The following DAB1 variants were observed in gnomAD, a reference collection of about 807,000 sequenced individuals.
DAB1 encodes the protein DAB adaptor protein 1.
Under a neutral mutation model 64.6 loss-of-function variants are expected in DAB1, and 15 were observed. The observed-to-expected ratio is 0.23, with a 90% CI of 0.16 to 0.36. The LOEUF (loss-of-function observed/expected upper bound fraction) is 0.36, where lower values mean the gene tolerates loss of function less well. Among genes scored for constraint, DAB1 ranks in the 10% least tolerant of loss-of-function variants. DAB1 has a pLI of 1.00. For synonymous variants in DAB1, 235 were observed against 251.9 expected (o/e 0.93, Z 0.64); for missense variants, 596 against 706.7 (o/e 0.84, Z 1.78).
At chr1:57,854,748 C>G (rs1653679632) in intron 1 of DAB1, among the ~76,000 whole-genome samples, 1 of 152,064 alleles carries the variant, frequency 6.6e-6, no homozygotes, top group Non-Finnish European at 1.5e-5. Context: ...TGGGTGAGAG[C>G]AGATTTATGT....
At chr1:58,535,045 C>T (rs539310614) in intron 1 of DAB1, among the ~76,000 whole-genome samples, 2 of 152,038 alleles carry the variant, frequency 1.3e-5, no homozygotes, top group Admixed American at 6.6e-5. Flanking sequence ...ACACCCTATA[C>T]CTAATAAGAA....
At chr1:58,390,594 G>T (rs941211522) in intron 3 of DAB1, among the ~76,000 whole-genome samples, 1 of 152,144 alleles carries the variant, frequency 6.6e-6, no homozygotes. Context: ...TAACTTCACT[G>T]CTCCTTGGTG....
intron 5 of DAB1, among the ~76,000 whole-genome samples, chr1:58,034,176 T>C (rs1647010762): frequency 6.6e-6 from 1 of 152,222 alleles, no homozygotes; most frequent in South Asian, 2.1e-4. Context: ...TCTGGCTCTG[T>C]TGCTCGCTTG....
intron 5 of DAB1, among the ~76,000 whole-genome samples, chr1:58,122,092 A>T (rs1218924831): frequency 3.3e-5 from 5 of 152,178 alleles, no homozygotes; most frequent in Admixed American, 3.3e-4. Flanking sequence ...GAGGCCTGGG[A>T]TCCTTTCACT....
chr1:57,792,161 G>C (rs1569701128), intron 6 of DAB1, among the ~76,000 whole-genome samples: 1 of 152,116 alleles, frequency 6.6e-6, no homozygotes, highest in African/African-American at 2.4e-5. Flanking sequence ...TGTCTCCCTT[G>C]CTATTCTCAT....
chr1:58,456,317 T>C (rs972074681), intron 3 of DAB1, among the ~76,000 whole-genome samples: 1 of 152,232 alleles, frequency 6.6e-6, no homozygotes, highest in Middle Eastern at 3.2e-3. Flanking sequence ...ACCTGGATTG[T>C]CTGGCTACAG....
At chr1:57,172,529 T>C (rs1010314278) in intron 2 of DAB1, among the ~76,000 whole-genome samples, 3 of 152,200 alleles carry the variant, frequency 2.0e-5, no homozygotes, top group African/African-American at 7.2e-5. Context: ...TTTATTTGGC[T>C]CATGGTTCTG....
chr1:57,021,429 A>G (rs1646615815), intron 11 of DAB1, among the ~76,000 whole-genome samples: 1 of 152,162 alleles, frequency 6.6e-6, no homozygotes, highest in Non-Finnish European at 1.5e-5. Flanking sequence ...TGTGGAGATA[A>G]ATGAATCATG....
At chr1:57,430,590 G>A (rs915041961) in intron 7 of DAB1, among the ~76,000 whole-genome samples, 5 of 152,146 alleles carry the variant, frequency 3.3e-5, no homozygotes, top group Admixed American at 1.3e-4. Flanking sequence ...TGTTAGCCAG[G>A]ATGGTCTCGA....
chr1:57,258,780 A>G (rs544693026), intron 2 of DAB1, among the ~76,000 whole-genome samples: 1 of 152,176 alleles, frequency 6.6e-6, no homozygotes, highest in East Asian at 1.9e-4. Context: ...CGAGTCTTAA[A>G]TAGATGGGAG....
chr1:57,865,577 A>C (rs1307287418), intron 1 of DAB1, among the ~76,000 whole-genome samples: 1 of 151,302 alleles, frequency 6.6e-6, no homozygotes, highest in Non-Finnish European at 1.5e-5. Context: ...AAACTCTCCC[A>C]CCTCTTCATT....
In DAB1 at chr1:58,533,439, A is replaced by G. The variant is rs1203334468; in HGVS notation, n.33-6104T>C. 2.0e-5 allele frequency among the ~76,000 whole-genome samples: 3 copies of G among 151,474 alleles called. No individual in the cohort carries two copies. In the East Asian group the frequency reaches 5.8e-4, roughly 30 times the overall value. On this transcript the variant is annotated intron_variant and non_coding_transcript_variant, in intron 1 of 20. Transcript: ENST00000485760. ...ATTAAAATTATGAATGGGAAGCCACATATACTAAAAAGCTCAGTAAACTGT... is the reference window on the plus strand; with the variant it reads ...ATTAAAATTATGAATGGGAAGCCACGTATACTAAAAAGCTCAGTAAACTGT...
At chr1:57,382,291 C>T (rs1338628957) in intron 1 of DAB1, among the ~76,000 whole-genome samples, 1 of 152,120 alleles carries the variant, frequency 6.6e-6, no homozygotes, top group African/African-American at 2.4e-5. Flanking sequence ...AGCCCCTGAC[C>T]AAGATACTTC....
intron 5 of DAB1, among the ~76,000 whole-genome samples, chr1:58,140,330 C>T (rs555460351): frequency 2.0e-4 from 30 of 152,298 alleles, no homozygotes; most frequent in African/African-American, 5.5e-4. Flanking sequence ...GCAGAACTTG[C>T]AAGAGGCAGT....
chr1:58,279,192 C>T (rs1661502834), intron 4 of DAB1, among the ~76,000 whole-genome samples: 1 of 152,204 alleles, frequency 6.6e-6, no homozygotes, highest in African/African-American at 2.4e-5. Flanking sequence ...TCTCAGATTC[C>T]TGAAAGGCAC....
chr1:57,834,119 T>C (rs1373060574), intron 1 of DAB1, among the ~76,000 whole-genome samples: 2 of 152,180 alleles, frequency 1.3e-5, no homozygotes, highest in African/African-American at 4.8e-5. Context: ...TAAAGTAGCA[T>C]TAAACAACTG....
intron 7 of DAB1, among the ~76,000 whole-genome samples, chr1:57,611,712 C>G (rs1412905936): frequency 6.6e-6 from 1 of 152,184 alleles, no homozygotes; most frequent in East Asian, 1.9e-4. Context: ...CAAACTCAAG[C>G]CTGCATCATG....
At chr1:57,617,311 A>G (rs550948808) in intron 7 of DAB1, among the ~76,000 whole-genome samples, 1 of 152,160 alleles carries the variant, frequency 6.6e-6, no homozygotes, top group Admixed American at 6.5e-5. Flanking sequence ...CCCTGCCTCA[A>G]TTCACACTGC....
intron 7 of DAB1, among the ~76,000 whole-genome samples, chr1:57,500,338 G>A (rs1019317858): frequency 3.8e-4 from 58 of 152,178 alleles, no homozygotes; most frequent in Non-Finnish European, 5.0e-4. Context: ...CACAGAAAAC[G>A]AAGCCTGCCA....
Sources: gnomAD v4.1 joint callset for allele counts (sites outside exome capture counted in the v4.1 genomes callset) on GRCh38, gnomAD v4.1.1 for gene constraint, MANE v1.5 for transcripts, NCBI Gene and HGNC (gene_info 2026-07-23, HGNC 2026-07-21) for gene names.